MAP1LC3B2: variants seen among roughly 807,000 people sequenced by gnomAD.
MAP1LC3B2 encodes microtubule-associated protein 1 light chain 3 beta 2.
For missense variants in MAP1LC3B2, 155 were observed against 154.6 expected (o/e 1.00, Z -0.01); for synonymous variants, 62 against 57.8 (o/e 1.07, Z -0.33).
At chr12:116,575,385 G>C (rs10850673) in intron 1 of MAP1LC3B2, among the ~76,000 whole-genome samples, 77,445 of 151,990 alleles carry the variant, frequency 0.51, 21,325 homozygotes, top group Non-Finnish European at 0.63. Flanking sequence ...CTTTATTTTA[G>C]ATAATTCTTT....
At chr12:116,567,079 A>G (rs1869408769) in intron 1 of MAP1LC3B2, among the ~76,000 whole-genome samples, 1 of 151,364 alleles carries the variant, frequency 6.6e-6, no homozygotes, top group African/African-American at 2.4e-5. Flanking sequence ...GGAAAGGACA[A>G]AGGAGGTAAG....
At chr12:116,569,284 T>G (rs980234783) in intron 1 of MAP1LC3B2, among the ~76,000 whole-genome samples, 10 of 152,178 alleles carry the variant, frequency 6.6e-5, no homozygotes, top group African/African-American at 2.4e-4. Context: ...GTCCAGAGAT[T>G]GATGCTGAAG....
chr12:116,573,812 T>C (rs1869603278), intron 1 of MAP1LC3B2, among the ~76,000 whole-genome samples: 1 of 152,158 alleles, frequency 6.6e-6, no homozygotes, highest in African/African-American at 2.4e-5. Context: ...CCAGCTGATA[T>C]CCTTAATTTA....
Position 116,561,506 on chromosome 12 carries a change from G to A in MAP1LC3B2, c.-102+2073G>A, listed in dbSNP as rs140143319. On this transcript the variant is annotated intron_variant, in intron 1 of 1. Coordinates refer to ENST00000556529, the MANE Select transcript of MAP1LC3B2 (RefSeq NM_001085481.3). ...AAAACATTCACAGCATCTTGTTTGC[G>A]TGGACACCGAGTTTCCCTTTCCCCA... 4.6e-5 allele frequency among the ~76,000 whole-genome samples: 7 copies of A among 152,284 alleles called. No individual in the cohort carries two copies. In the East Asian group the frequency reaches 7.7e-4, roughly 17 times the overall value.
At chr12:116,571,458 C>CTTTTT (rs71095564) in intron 1 of MAP1LC3B2, among the ~76,000 whole-genome samples, 490 of 48,114 alleles carry the variant, frequency 0.01, 107 homozygotes, top group Middle Eastern at 0.05. Context: ...GACTGCTGTT[C>CTTTTT]TTTTTTTTTT....
chr12:116,573,842 A>T (rs1057361728), intron 1 of MAP1LC3B2, among the ~76,000 whole-genome samples: 1 of 152,258 alleles, frequency 6.6e-6, no homozygotes, highest in Non-Finnish European at 1.5e-5. Flanking sequence ...CTTACAAAAT[A>T]AAAAGACCAA....
Position 116,574,036 on chromosome 12 carries a change from G to A in MAP1LC3B2, c.-101-1806G>A, listed in dbSNP as rs143039483. 2.7e-3 allele frequency among the ~76,000 whole-genome samples: 407 copies of A among 152,238 alleles called. 3 individuals are homozygous for A. The highest frequency in any genetic ancestry group is 9.2e-3 in the African/African-American group (382 of 41,530). On this transcript the variant is annotated intron_variant, in intron 1 of 1. Coordinates refer to ENST00000556529, the MANE Select transcript of MAP1LC3B2 (RefSeq NM_001085481.3). Reference sequence around the variant, plus strand: ...AACATATGTGTAACATCCAGAGCTCGTGAGGGTGTAAGAAATCCAGTTCCT... The same window carrying A: ...AACATATGTGTAACATCCAGAGCTCATGAGGGTGTAAGAAATCCAGTTCCT...
intron 1 of MAP1LC3B2, among the ~76,000 whole-genome samples, chr12:116,574,248 T>A (rs1355916680): frequency 2.7e-5 from 4 of 148,602 alleles, no homozygotes; most frequent in South Asian, 4.2e-4. Flanking sequence ...TTGTAATAGT[T>A]AAAAAAAAAA....
intron 1 of MAP1LC3B2, among the ~76,000 whole-genome samples, chr12:116,570,506 T>C (rs898516678): frequency 6.6e-6 from 1 of 152,188 alleles, no homozygotes; most frequent in African/African-American, 2.4e-5. Context: ...CCATGTGTTG[T>C]GGGGGAACTC....
At chr12:116,574,336 T>A (rs1219911372) in intron 1 of MAP1LC3B2, among the ~76,000 whole-genome samples, 4 of 151,478 alleles carry the variant, frequency 2.6e-5, no homozygotes, top group Non-Finnish European at 5.9e-5. Context: ...AGAAAAACAG[T>A]GCAGGTATTA....
chr12:116,561,493 G>A (rs187955506), intron 1 of MAP1LC3B2, among the ~76,000 whole-genome samples: 1 of 152,320 alleles, frequency 6.6e-6, no homozygotes, highest in East Asian at 1.9e-4. Context: ...AACATTCACA[G>A]CATCTTGTTT....
Position 116,576,095 on chromosome 12 carries a change from G to T in MAP1LC3B2, c.153G>T (p.Lys51Asn). The change falls in exon 2 of 2, where the codon AAG (lysine) becomes AAT (asparagine). Residue 51 changes from lysine (K) to asparagine (N), a missense_variant. Transcript: ENST00000556529. ...EKQLPVLDKT[K>N]FLVPDHVNMS... ...AGCTTCCTGTTCTGGATAAAACAAAGTTCCTTGTACCTGACCATGTCAACA... is the reference window on the plus strand; with the variant it reads ...AGCTTCCTGTTCTGGATAAAACAAATTTCCTTGTACCTGACCATGTCAACA... 6.2e-7 allele frequency: 1 copy of T among 1,614,216 alleles called. No individual in the cohort carries two copies. Among genetic ancestry groups the T allele is most frequent in the Non-Finnish European group, 8.5e-7 (1 of 1,180,042 alleles).
At chr12:116,563,195 G>C (rs1379036717) in intron 1 of MAP1LC3B2, among the ~76,000 whole-genome samples, 2 of 152,102 alleles carry the variant, frequency 1.3e-5, no homozygotes, top group Non-Finnish European at 2.9e-5. Flanking sequence ...CTAACCTCAG[G>C]TGATCTGCCC....
intron 1 of MAP1LC3B2, among the ~76,000 whole-genome samples, chr12:116,572,851 T>C (rs917294709): frequency 6.6e-6 from 1 of 152,232 alleles, no homozygotes; most frequent in Non-Finnish European, 1.5e-5. Flanking sequence ...TCTCAGAGGC[T>C]GCTAGGGAGG....
At chr12:116,560,190 ATATATAT>A (rs1566022522) in intron 1 of MAP1LC3B2, 4 of 808 alleles carry the variant, frequency 5.0e-3, no homozygotes, top group Admixed American at 0.029. Flanking sequence ...AAGTTTGGCT[ATATATAT>A]ATATATATAT....
intron 1 of MAP1LC3B2, among the ~76,000 whole-genome samples, chr12:116,562,760 T>C (rs78366688): frequency 0.011 from 1,705 of 152,350 alleles, 27 homozygotes; most frequent in African/African-American, 0.038. Context: ...TGAAATACTA[T>C]ATAGCTCCTC....
intron 1 of MAP1LC3B2, among the ~76,000 whole-genome samples, chr12:116,560,265 T>TG (rs1285634075): frequency 6.9e-6 from 1 of 144,544 alleles, no homozygotes; most frequent in Non-Finnish European, 1.5e-5. Flanking sequence ...TATATATATA[T>TG]TTAGATAGAG....
chr12:116,563,516 T>C (rs532925242), intron 1 of MAP1LC3B2, among the ~76,000 whole-genome samples: 2 of 152,378 alleles, frequency 1.3e-5, no homozygotes, highest in Non-Finnish European at 2.9e-5. Flanking sequence ...TATGTATTTT[T>C]ACCTTGGCTG....
intron 1 of MAP1LC3B2, among the ~76,000 whole-genome samples, chr12:116,571,750 G>A (rs1300980161): frequency 6.6e-6 from 1 of 151,728 alleles, no homozygotes; most frequent in Non-Finnish European, 1.5e-5. Context: ...CAAAGTGCTG[G>A]GATTACAGAC....
Sources: gnomAD v4.1 joint callset for allele counts (sites outside exome capture counted in the v4.1 genomes callset) on GRCh38, gnomAD v4.1.1 for gene constraint, MANE v1.5 for transcripts, NCBI Gene and HGNC (gene_info 2026-07-23, HGNC 2026-07-21) for gene names.